Variants in HIPK2 observed in about 807,000 individuals in gnomAD.
HIPK2 encodes homeodomain interacting protein kinase 2, also known as homeodomain-interacting protein kinase 2.
HIPK2 carries 27 observed loss-of-function variants against 113.7 expected under a neutral mutation model. The observed-to-expected ratio is 0.24, with a 90% CI of 0.17 to 0.33. HIPK2 has a LOEUF of 0.33. HIPK2 is among the 10% of genes least tolerant of loss of function. HIPK2 has a pLI of 1.00. For synonymous variants in HIPK2, 631 were observed against 642.2 expected (o/e 0.98, Z 0.26); for missense variants, 1,257 against 1,588.0 (o/e 0.79, Z 3.54).
intron 1 of HIPK2, among the ~76,000 whole-genome samples, chr7:139,775,197 C>A (rs1284021919): frequency 6.6e-6 from 1 of 152,216 alleles, no homozygotes; most frequent in Non-Finnish European, 1.5e-5. Context: ...AAAAGCTCTG[C>A]TCGTTTAGCA....
chr7:139,664,235 C>T (rs1018282800), intron 2 of HIPK2, among the ~76,000 whole-genome samples: 1 of 152,214 alleles, frequency 6.6e-6, no homozygotes, highest in African/African-American at 2.4e-5. Context: ...TCTTTCTCAA[C>T]TACAATAAGT....
rs1298271088 is a variant in HIPK2 at position 139,568,537 on chromosome 7, C to T, written c.*4390G>A. 6.6e-6 allele frequency: 1 copy of T among 152,248 alleles called. No individual in the cohort carries two copies. The highest frequency in any genetic ancestry group is 1.9e-4 in the East Asian group (1 of 5,190). 9.4% of individuals were successfully genotyped at this position (152,248 alleles called of 1,614,324 possible). A position where few individuals can be genotyped will look rare whatever the true frequency, so the allele number is the denominator to read the frequency against. The stretch of plus-strand genomic sequence containing the variant: ...AATTGCCCTGCGGTTCACCAGGCTC[C>T]AGTTAAACACTCCTCCGTGACCTGA... On this transcript the variant is annotated 3_prime_UTR_variant, in exon 15 of 15. Coordinates refer to ENST00000406875, the MANE Select transcript of HIPK2 (RefSeq NM_022740.5).
intron 2 of HIPK2, among the ~76,000 whole-genome samples, chr7:139,662,940 T>C (rs968101268): frequency 6.6e-6 from 1 of 152,172 alleles, no homozygotes; most frequent in African/African-American, 2.4e-5. Flanking sequence ...TTTCTTCATG[T>C]TGCCCTGCTG....
intron 2 of HIPK2, among the ~76,000 whole-genome samples, chr7:139,679,626 C>A (rs927275491): frequency 1.3e-5 from 2 of 152,182 alleles, no homozygotes; most frequent in Non-Finnish European, 2.9e-5. Context: ...ATGCTAGAAG[C>A]ATTAAAATTT....
At chr7:139,693,926 C>T (rs1794489085) in intron 2 of HIPK2, among the ~76,000 whole-genome samples, 1 of 152,206 alleles carries the variant, frequency 6.6e-6, no homozygotes, top group South Asian at 2.1e-4. Context: ...AAACTGAACA[C>T]ATGAAAGGAG....
At position 139,562,202 on chromosome 7, in the gene HIPK2, C is replaced by A. The variant is rs1428464918; in HGVS notation, c.*10725G>T. ...ATACTGTTGCACGCAATAATTTTCA[C>A]ACAGATTAACATGGATTAACACTTT... On this transcript the variant is annotated 3_prime_UTR_variant, in exon 15 of 15. Coordinates refer to ENST00000406875, the MANE Select transcript of HIPK2 (RefSeq NM_022740.5). The A allele has an allele frequency of 6.6e-6, 1 of 152,170 alleles. No individual in the cohort carries two copies. The highest frequency in any genetic ancestry group is 1.5e-5 in the Non-Finnish European group (1 of 68,036). The allele number at this position is 152,170 out of a possible 1,614,324, so 9.4% of individuals were successfully genotyped here. A position where few individuals can be genotyped will look rare whatever the true frequency, so the allele number is the denominator to read the frequency against.
intron 2 of HIPK2, among the ~76,000 whole-genome samples, chr7:139,688,258 G>A (rs1201564594): frequency 6.6e-6 from 1 of 152,204 alleles, no homozygotes; most frequent in South Asian, 2.1e-4. Context: ...CATTCATCGA[G>A]ATCAAGAGGC....
chr7:139,673,385 G>A (rs895647010), intron 2 of HIPK2, among the ~76,000 whole-genome samples: 1 of 152,156 alleles, frequency 6.6e-6, no homozygotes, highest in African/African-American at 2.4e-5. Context: ...TCTTACAGGA[G>A]ACCAGCCTGT....
At chr7:139,627,682 C>A (rs1400592699) in intron 5 of HIPK2, among the ~76,000 whole-genome samples, 1 of 152,208 alleles carries the variant, frequency 6.6e-6, no homozygotes, top group African/African-American at 2.4e-5. Context: ...TGGTTATAGT[C>A]ATCTACAGTA....
chr7:139,635,748 G>A (rs1022926394), intron 2 of HIPK2, among the ~76,000 whole-genome samples: 1 of 152,146 alleles, frequency 6.6e-6, no homozygotes, highest in Non-Finnish European at 1.5e-5. Flanking sequence ...GACAACTCGA[G>A]TCGAATACAA....
At chr7:139,715,882 G>A (rs1795218111) in intron 2 of HIPK2, 50 bp downstream of exon 2, 6 of 1,575,354 alleles carry the variant, frequency 3.8e-6, no homozygotes, top group Non-Finnish European at 4.3e-6. Flanking sequence ...CATTCTCTGT[G>A]AGTGCCACTG....
At chr7:139,759,451 G>A (rs944729883) in intron 1 of HIPK2, among the ~76,000 whole-genome samples, 2 of 152,124 alleles carry the variant, frequency 1.3e-5, no homozygotes, top group Non-Finnish European at 2.9e-5. Context: ...TTTCACAGAT[G>A]CACCTACAAA....
intron 2 of HIPK2, among the ~76,000 whole-genome samples, chr7:139,675,407 C>T (rs769048295): frequency 2.0e-5 from 3 of 152,022 alleles, no homozygotes; most frequent in Non-Finnish European, 4.4e-5. Flanking sequence ...AGGTACTAGG[C>T]GCTTGGAGTC....
chr7:139,760,366 T>C (rs1796444319), intron 1 of HIPK2, among the ~76,000 whole-genome samples: 1 of 152,156 alleles, frequency 6.6e-6, no homozygotes, highest in African/African-American at 2.4e-5. Flanking sequence ...AAAAGCTCCA[T>C]TCAAAATGTC....
At chr7:139,595,898 C>T (rs547100271) in intron 12 of HIPK2, among the ~76,000 whole-genome samples, 2 of 152,244 alleles carry the variant, frequency 1.3e-5, no homozygotes, top group East Asian at 3.9e-4. Context: ...TGACTGGCAG[C>T]GCTGGGCCTG....
chr7:139,707,444 C>T (rs1281300464), intron 2 of HIPK2, among the ~76,000 whole-genome samples: 3 of 152,262 alleles, frequency 2.0e-5, no homozygotes, highest in African/African-American at 4.8e-5. Flanking sequence ...GACGCAGCGA[C>T]CTGCTCTCAC....
intron 9 of HIPK2, among the ~76,000 whole-genome samples, chr7:139,608,371 C>CAT (rs34716710): frequency 0.18 from 26,327 of 142,378 alleles, 3,457 homozygotes; most frequent in African/African-American, 0.38. Flanking sequence ...TATATATATA[C>CAT]ATATATACAT....
At chr7:139,668,165 T>C (rs1385120321) in intron 2 of HIPK2, among the ~76,000 whole-genome samples, 1 of 150,236 alleles carries the variant, frequency 6.7e-6, no homozygotes, top group Non-Finnish European at 1.5e-5. Flanking sequence ...AGCAGTTACC[T>C]GCATATGATA....
At chr7:139,659,669 A>C (rs974586293) in intron 2 of HIPK2, among the ~76,000 whole-genome samples, 5 of 152,228 alleles carry the variant, frequency 3.3e-5, no homozygotes, top group Non-Finnish European at 7.3e-5. Flanking sequence ...GCCTATGCCT[A>C]TGCCCTTTAA....
Sources: allele counts gnomAD v4.1 joint callset (sites outside exome capture counted in the v4.1 genomes callset), GRCh38; gene constraint gnomAD v4.1.1; transcripts MANE v1.5; gene names NCBI Gene and HGNC (gene_info 2026-07-23, HGNC 2026-07-21).